The following MICALL2 variants were observed in gnomAD, a reference collection of about 807,000 sequenced individuals.
MICALL2 encodes MICAL like 2, also known as MICAL-like protein 2.
In MICALL2, 111 loss-of-function variants were observed where a neutral mutation model predicts 91.1. The ratio of observed to expected loss-of-function variants is 1.22; its 90% CI spans 1.04 to 1.43. The LOEUF is 1.43. MICALL2 is among the 40% of genes most tolerant of loss of function. The pLI, the probability that MICALL2 is intolerant of heterozygous loss-of-function variation, is 0.00. For missense variants in MICALL2, 1,556 were observed against 1,236.0 expected, an observed-to-expected ratio of 1.26 and a Z score of -3.88; for synonymous variants, 694 against 525.3, an observed-to-expected ratio of 1.32 and a Z score of -4.39.
At chr7:1,436,634 T>C (rs1000551455) in intron 15 of MICALL2, 108 bp downstream of exon 15, 15 of 624,554 alleles carry the variant, frequency 2.4e-5, no homozygotes, top group Admixed American at 3.5e-5. Flanking sequence ...GCATAGACAA[T>C]AACCGCCTGG....
chr7:1,444,859 G>T lies in MICALL2; in HGVS notation c.1211C>A (p.Pro404Gln), dbSNP rs777603305. Residue 404 changes from proline to glutamine, a missense_variant, in exon 6 of 17, where the codon CCA becomes CAA. Coordinates refer to ENST00000297508, the MANE Select transcript of MICALL2 (RefSeq NM_182924.4). ...CCTGGAGGCGGACGGGGTCCAGGCT[G>T]GGGGGTCCACCGTGGCTGCAGATGT... ...SSTSAATVDP[P>Q]AWTPSASRTQ... is the part of the protein sequence containing the mutation. 1.2e-6 allele frequency: 2 copies of T among 1,601,244 alleles called. No homozygotes were observed. Among genetic ancestry groups the T allele is most frequent in the East Asian group, 2.2e-5 (1 of 44,684 alleles).
intron 10 of MICALL2, 68 bp downstream of exon 10, chr7:1,438,772 C>T (rs1487888557): frequency 1.2e-5 from 19 of 1,532,834 alleles, no homozygotes; most frequent in Non-Finnish European, 1.7e-5. Flanking sequence ...CCCCAGCAGG[C>T]ATTGCCTCCT....
rs1779854251 is a variant in MICALL2 at position 1,434,412 on chromosome 7, C to A, written c.*184G>T. The A allele has an allele frequency of 1.4e-6, 1 of 697,872 alleles. No individual in the cohort carries two copies. The highest frequency in any genetic ancestry group is 2.0e-5 in the Admixed American group (1 of 49,706). 43.2% of individuals were successfully genotyped at this position (697,872 alleles called of 1,614,324 possible). A position where few individuals can be genotyped will look rare whatever the true frequency, so the allele number is the denominator to read the frequency against. On this transcript the variant is annotated 3_prime_UTR_variant, in exon 17 of 17. Transcript: ENST00000297508. ...TGAGACCACAGACGGTAGCGCAGGT[C>A]CCTGCTGTCCACATGCCCCTTGTAG...
Position 1,444,972 on chromosome 7 carries a change from C to A in MICALL2, c.1098G>T (p.Pro366=). 6.6e-7 allele frequency: 1 copy of A among 1,506,316 alleles called. No homozygotes were observed. The highest frequency in any genetic ancestry group is 8.9e-7 in the Non-Finnish European group (1 of 1,127,658). 93.3% of individuals were successfully genotyped at this position (1,506,316 alleles called of 1,614,324 possible). ...AAAASHPAVP[P]SAPDPRPATP... is the part of the protein sequence containing the mutation. ...TGGCCGGGCGAGGGTCTGGGGCACT[C>A]GGGGGCACGGCGGGATGGGAGGCAG... The change falls in exon 6 of 17, where the codon CCG becomes CCT. Residue 366 remains proline, a synonymous_variant. Transcript: ENST00000297508.
At chr7:1,454,486 A>T (rs1780943196) in intron 1 of MICALL2, among the ~76,000 whole-genome samples, 1 of 142,804 alleles carries the variant, frequency 7.0e-6, no homozygotes, top group Non-Finnish European at 1.5e-5. Flanking sequence ...ACGACTGGGG[A>T]GGGGAGGCCG....
In MICALL2 at chr7:1,442,267, C is replaced by A. The variant is rs141206892; in HGVS notation, c.1636G>T (p.Gly546Cys). Residue 546 changes from glycine (G) to cysteine (C), a missense_variant, in exon 7 of 17, where the codon GGC (glycine) becomes TGC (cysteine). By Grantham distance (159) the Gly-to-Cys change is radical (BLOSUM62 -3). Transcript: ENST00000297508. ...RRNLAESSGV[G>C]RVGAGSRPKP... ...GGCCTGGAGCCAGCACCCACCCTGC[C>A]GACCCCTGAGGATTCCGCCAAGTTC... 4,602 of 1,612,924 alleles carry A rather than the reference C, an allele frequency of 2.9e-3. 45 individuals are homozygous for A. Among genetic ancestry groups the A allele is most frequent in the South Asian group, 0.016 (1,498 of 91,086 alleles).
rs1781038631 is a variant in MICALL2 at position 1,456,882 on chromosome 7, G to GC, written c.143+2301dup. On this transcript the variant is annotated intron_variant, in intron 1 of 16. Coordinates refer to ENST00000297508, the MANE Select transcript of MICALL2 (RefSeq NM_182924.4). ...TTTCCATCAGCCAGGGTCTACAGAG[G>GC]CCCCCACGCCCCAACACCCATGGAA... 2.6e-5 allele frequency among the ~76,000 whole-genome samples: 4 copies of GC among 152,226 alleles called. No homozygotes were observed. In the South Asian group the frequency reaches 8.3e-4, roughly 32 times the overall value.
chr7:1,443,936 C>CG (rs1432847111), intron 6 of MICALL2, among the ~76,000 whole-genome samples: 4 of 152,168 alleles, frequency 2.6e-5, no homozygotes, highest in African/African-American at 9.7e-5. Context: ...AGGCAGGCGC[C>CG]GGGCCCAGGC....
chr7:1,456,988 C>A (rs1287014271), intron 1 of MICALL2, among the ~76,000 whole-genome samples: 1 of 152,190 alleles, frequency 6.6e-6, no homozygotes, highest in Non-Finnish European at 1.5e-5. Context: ...TGTTTTCTCA[C>A]GGCTCTGGAG....
rs765165645 is a variant in MICALL2 at position 1,444,607 on chromosome 7, T to C, written c.1418+45A>G. The C allele has an allele frequency of 3.2e-5, 50 of 1,570,498 alleles. No individual in the cohort carries two copies. In the African/African-American group the frequency reaches 5.3e-4, roughly 17 times the overall value. ...TGGCCTCCGGGGCCCCGCTGGCTGG[T>C]GCAAAGAGGCCATACCCGGGGTCCC... On this transcript the variant is annotated intron_variant, in intron 6 of 16. Coordinates refer to ENST00000297508, the MANE Select transcript of MICALL2 (RefSeq NM_182924.4).
intron 1 of MICALL2, among the ~76,000 whole-genome samples, chr7:1,456,937 A>C (rs950184194): frequency 6.6e-6 from 1 of 152,216 alleles, no homozygotes; most frequent in African/African-American, 2.4e-5. Flanking sequence ...TACTGCCGTA[A>C]CAAATTGCCA....
intron 10 of MICALL2, 37 bp downstream of exon 10, chr7:1,438,803 G>A (rs371565087): frequency 5.5e-5 from 86 of 1,567,862 alleles, no homozygotes; most frequent in African/African-American, 1.1e-4. Context: ...CTCCCTTCAC[G>A]TACACCCCAA....
At position 1,451,829 on chromosome 7, in the gene MICALL2, G is replaced by A. The variant is rs371408749; in HGVS notation, c.144-1541C>T. ...TGGGGGCCGAGACCCCTGTGGCCAC[G>A]CAGCCTGGGCGGCCTAGTTCTGAGC... On this transcript the variant is annotated intron_variant, in intron 1 of 16. Coordinates refer to ENST00000297508, the MANE Select transcript of MICALL2 (RefSeq NM_182924.4). The surrounding 1 kb of genome is among the most constrained non-coding windows in gnomAD (Gnocchi z 4.5). 1.9e-4 allele frequency among the ~76,000 whole-genome samples: 29 copies of A among 152,196 alleles called. No homozygotes were observed. Among genetic ancestry groups the A allele is most frequent in the African/African-American group, 6.8e-4 (28 of 41,440 alleles).
Position 1,444,983 on chromosome 7 carries a change from C to A in MICALL2, c.1087G>T (p.Ala363Ser). The change falls in exon 6 of 17, where the codon GCC becomes TCC. Residue 363 changes from alanine (A) to serine (S), a missense_variant. Ala to Ser is a moderately conservative substitution (Grantham distance 99). Coordinates refer to ENST00000297508, the MANE Select transcript of MICALL2 (RefSeq NM_182924.4). Reference sequence around the variant, plus strand: ...GGGTCTGGGGCACTCGGGGGCACGGCGGGATGGGAGGCAGCCGCTGCTGTG... The same window carrying A: ...GGGTCTGGGGCACTCGGGGGCACGGAGGGATGGGAGGCAGCCGCTGCTGTG... ...PCTAAAASHP[A>S]VPPSAPDPRP... is the part of the protein sequence containing the mutation. 6.6e-7 allele frequency: 1 copy of A among 1,506,542 alleles called. No homozygotes were observed. The allele number at this position is 1,506,542 out of a possible 1,614,324, so 93.3% of individuals were successfully genotyped here.
At chr7:1,455,461 G>A (rs1411102279) in intron 1 of MICALL2, among the ~76,000 whole-genome samples, 1 of 152,214 alleles carries the variant, frequency 6.6e-6, no homozygotes, top group African/African-American at 2.4e-5. Context: ...TGACCAGGCA[G>A]GGGACCCGCC....
chr7:1,440,148 G>C (rs974250296), intron 8 of MICALL2, 63 bp from the exon 9 acceptor site: 132 of 1,549,844 alleles, frequency 8.5e-5, no homozygotes, highest in Non-Finnish European at 1.1e-4. Context: ...CCACCTGGAG[G>C]GGCTCCCAGG....
chr7:1,443,468 G>A (rs975595866), intron 6 of MICALL2, among the ~76,000 whole-genome samples: 13 of 152,198 alleles, frequency 8.5e-5, no homozygotes, highest in Non-Finnish European at 1.5e-5. Flanking sequence ...CTAAGTGACT[G>A]TACTTGGTCG....
chr7:1,444,879 A>G lies in MICALL2; in HGVS notation c.1191T>C (p.Ser397=). The G allele has an allele frequency of 1.3e-6, 2 of 1,591,848 alleles. No homozygotes were observed. Among genetic ancestry groups the G allele is most frequent in the South Asian group, 1.1e-5 (1 of 89,370 alleles). Residue 397 remains serine, a synonymous_variant, in exon 6 of 17, where the codon TCT becomes TCC. Transcript: ENST00000297508. ...AGGCTGGGGGGTCCACCGTGGCTGC[A>G]GATGTGGAGCTTGAACTGAGTGTGG... ...PQTTLSSSST[S]AATVDPPAWT...
chr7:1,443,690 G>A (rs1405020725), intron 6 of MICALL2, among the ~76,000 whole-genome samples: 3 of 152,162 alleles, frequency 2.0e-5, no homozygotes, highest in Middle Eastern at 3.2e-3. Flanking sequence ...GGAGGGAGGC[G>A]ACCACAAGCC....
Sources: allele counts gnomAD v4.1 joint callset (sites outside exome capture counted in the v4.1 genomes callset), GRCh38; gene constraint gnomAD v4.1.1; non-coding constraint Gnocchi (gnomAD v3.1); transcripts MANE v1.5; gene names NCBI Gene and HGNC (gene_info 2026-07-23, HGNC 2026-07-21).